NFKBIZ: variants seen among roughly 807,000 people sequenced by gnomAD.
NFKBIZ encodes the protein NFKB inhibitor zeta, also known as NF-kappa-B inhibitor zeta.
NFKBIZ carries 19 observed loss-of-function variants against 76.8 expected under a neutral mutation model. That is an observed-to-expected ratio of 0.25 (90% CI 0.17 to 0.36). NFKBIZ has a LOEUF of 0.36. Among genes scored for constraint, NFKBIZ ranks in the 10% least tolerant of loss-of-function variants. The pLI is 1.00. For missense variants in NFKBIZ, 829 were observed against 910.9 expected (o/e 0.91, Z 1.16); for synonymous variants, 368 against 354.8 (o/e 1.04, Z -0.42).
intron 8 of NFKBIZ, 131 bp downstream of exon 8, chr3:101,855,589 A>T: frequency 8.0e-7 from 1 of 1,244,626 alleles, no homozygotes; most frequent in Non-Finnish European, 1.1e-6. Flanking sequence ...ACCCAAAAAG[A>T]GACAATATTC....
Position 101,853,685 on chromosome 3 carries a change from G to T in NFKBIZ, c.1159G>T (p.Gly387Trp). 1 of 1,614,222 alleles carries T rather than the reference G, an allele frequency of 6.2e-7. No individual in the cohort carries two copies. The highest frequency in any genetic ancestry group is 8.5e-7 in the Non-Finnish European group (1 of 1,180,046). The change falls in exon 5 of 12, where the codon GGG (glycine) becomes TGG (tryptophan). Residue 387 changes from glycine to tryptophan, a missense_variant. Physicochemically the swap from Gly to Trp is radical, Grantham distance 184. Coordinates refer to ENST00000326172, the MANE Select transcript of NFKBIZ (RefSeq NM_031419.4). ...MPSSACEAMV[G>W]HEMASDSSNT... ...CAGCAGCGCCTGTGAGGCCATGGTG[G>T]GGCACGAGATGGCCTCTGACTCTTC...
At position 101,849,578 on chromosome 3, in the gene NFKBIZ, A is replaced by G. The variant is rs1942913722; in HGVS notation, c.-51A>G. On this transcript the variant is annotated 5_prime_UTR_variant, in exon 1 of 12. Transcript: ENST00000326172. ...GCCAGCCCGGGAGGCAGCCGCGCGC[A>G]GCGAGCCGGTGGCGCAGGTGTCGGG... The G allele has an allele frequency of 1.5e-6, 2 of 1,293,952 alleles. No individual in the cohort carries two copies. The highest frequency in any genetic ancestry group is 3.2e-5 in the East Asian group (1 of 31,602). 80.2% of individuals were successfully genotyped at this position (1,293,952 alleles called of 1,614,324 possible).
intron 2 of NFKBIZ, among the ~76,000 whole-genome samples, chr3:101,837,792 G>A (rs1339893622): frequency 6.6e-6 from 1 of 152,096 alleles, no homozygotes; most frequent in African/African-American, 2.4e-5. Context: ...GATGGGAAGA[G>A]GACACTCTGC....
At chr3:101,840,104 CA>C (rs1942769435) in intron 2 of NFKBIZ, among the ~76,000 whole-genome samples, 1 of 152,266 alleles carries the variant, frequency 6.6e-6, no homozygotes, top group East Asian at 1.9e-4. Flanking sequence ...TCCTTTAAAG[CA>C]GGCAAGAGTT....
chr3:101,859,137 G>T (rs1392894344), intron 11 of NFKBIZ, among the ~76,000 whole-genome samples, 181 bp from the exon 12 acceptor site: 1 of 152,146 alleles, frequency 6.6e-6, no homozygotes, highest in Non-Finnish European at 1.5e-5. Flanking sequence ...AGTTTAAAAG[G>T]AGTTTAGTAT....
upstream of NFKBIZ, among the ~76,000 whole-genome samples, chr3:101,846,536 G>C (rs1253264454): frequency 6.6e-6 from 1 of 152,158 alleles, no homozygotes; most frequent in African/African-American, 2.4e-5. Flanking sequence ...TCTTGGTCTA[G>C]ATTAAGTTCT....
chr3:101,845,889 T>C (rs1043450175), upstream of NFKBIZ, among the ~76,000 whole-genome samples: 2 of 152,252 alleles, frequency 1.3e-5, no homozygotes, highest in Admixed American at 1.3e-4. Flanking sequence ...ACAGTACCTC[T>C]GAGCCTGGAG....
In NFKBIZ at chr3:101,853,145, G is replaced by T; in HGVS notation, c.619G>T (p.Glu207Ter). 6.2e-7 allele frequency: 1 copy of T among 1,614,110 alleles called. No individual in the cohort carries two copies. Among genetic ancestry groups the T allele is most frequent in the Non-Finnish European group, 8.5e-7 (1 of 1,180,020 alleles). ...GAGCATGGAAGATGTTCATCTCAAT[G>T]AACCCAAACAGGAGAGCAGTGCTGA... ...GESMEDVHLN[E>*]PKQESSADLL... is the part of the protein sequence containing the mutation. Residue 207 changes from glutamate (E) to a stop codon, truncating the protein, a stop_gained, in exon 5 of 12, where the codon GAA (glutamate) becomes TAA (stop). Coordinates refer to ENST00000326172, the MANE Select transcript of NFKBIZ (RefSeq NM_031419.4). LOFTEE classifies it high-confidence loss of function.
intron 1 of NFKBIZ, among the ~76,000 whole-genome samples, chr3:101,851,790 GAGAT>G (rs539179879): frequency 2.6e-4 from 40 of 152,342 alleles, no homozygotes; most frequent in Admixed American, 9.1e-4. Flanking sequence ...TTAGAGCTGA[GAGAT>G]AGAGAGGCTT....
rs1219628653 is a variant in NFKBIZ at position 101,852,158 on chromosome 3, G to A, written c.363G>A (p.Lys121=). Residue 121 remains lysine, a synonymous_variant, in exon 2 of 12, where the codon AAG becomes AAA. Transcript: ENST00000326172. ...GTGTTCGGGTAAAGAACTCAGTGAA[G>A]GAACTCCTGTTGCACATCCGAAGTC... is the stretch of plus-strand genomic sequence containing the variant. ...FQGVRVKNSV[K]ELLLHIRSHK... 1.2e-6 allele frequency: 2 copies of A among 1,614,242 alleles called. No individual in the cohort carries two copies. Among genetic ancestry groups the A allele is most frequent in the Non-Finnish European group, 1.7e-6 (2 of 1,180,046 alleles).
At position 101,832,953 on chromosome 3, in the gene NFKBIZ, C is replaced by T. The variant is rs772992947; in HGVS notation, c.-12+3265C>T. On this transcript the variant is annotated intron_variant, in intron 2 of 12. Coordinates refer to the NFKBIZ transcript ENST00000394054. ...TTTGGCACAGTGCAGTGAATAAGTG[C>T]GTACACCATGAATATGTGATAGAAA... 6.6e-5 allele frequency among the ~76,000 whole-genome samples: 10 copies of T among 152,150 alleles called. No individual in the cohort carries two copies. In the South Asian group the frequency reaches 1.0e-3, roughly 16 times the overall value.
upstream of NFKBIZ, chr3:101,849,391 T>G (rs1197259642): frequency 2.8e-6 from 1 of 354,830 alleles, no homozygotes; most frequent in Non-Finnish European, 5.0e-6. Flanking sequence ...TTACTGGAAA[T>G]CGGACGCATC....
intron 1 of NFKBIZ, among the ~76,000 whole-genome samples, chr3:101,851,036 A>G (rs1390913952): frequency 6.6e-6 from 1 of 152,232 alleles, no homozygotes; most frequent in Non-Finnish European, 1.5e-5. Flanking sequence ...GATTCTGGCA[A>G]TTCTGGTATC....
At chr3:101,859,241 G>C in intron 11 of NFKBIZ, 77 bp from the exon 12 acceptor site, 1 of 1,104,580 alleles carries the variant, frequency 9.1e-7, no homozygotes, top group Non-Finnish European at 1.4e-6. Flanking sequence ...TATAAGAAAG[G>C]AATGAAACTC....
At position 101,849,764 on chromosome 3, in the gene NFKBIZ, G is replaced by T; in HGVS notation, c.136G>T (p.Gly46Cys). The change falls in exon 1 of 12, where the codon GGC becomes TGC. Residue 46 changes from glycine to cysteine, a missense_variant. Physicochemically the swap from Gly to Cys is radical, Grantham distance 159 (BLOSUM62 -3). Transcript: ENST00000326172. ...CGCGTCGCCGCCCGCCGCCGCCCCGGGCGCCTGCGACGCCAGCTGCTCGGT... is the reference window on the plus strand; with the variant it reads ...CGCGTCGCCGCCCGCCGCCGCCCCGTGCGCCTGCGACGCCAGCTGCTCGGT... ...YGASPPAAAPGACDASCSVLG... is the reference protein window; with the variant it reads ...YGASPPAAAPCACDASCSVLG... The T allele has an allele frequency of 6.9e-7, 1 of 1,453,950 alleles. No homozygotes were observed. The highest frequency in any genetic ancestry group is 9.0e-7 in the Non-Finnish European group (1 of 1,108,558). The allele number at this position is 1,453,950 out of a possible 1,614,324, so 90.1% of individuals were successfully genotyped here. A position where few individuals can be genotyped will look rare whatever the true frequency, so the allele number is the denominator to read the frequency against.
intron 1 of NFKBIZ, 103 bp downstream of exon 1, chr3:101,850,020 G>C: frequency 8.8e-7 from 1 of 1,136,220 alleles, no homozygotes; most frequent in Non-Finnish European, 1.1e-6. Flanking sequence ...CCTCCTTAGA[G>C]CTAGGACGTA....
intron 11 of NFKBIZ, 176 bp downstream of exon 11, chr3:101,857,635 C>T (rs1407532263): frequency 1.0e-6 from 1 of 985,278 alleles, no homozygotes; most frequent in East Asian, 1.1e-4. Context: ...TTGGAAACAG[C>T]AATTAAGAAA....
intron 1 of NFKBIZ, 111 bp from the exon 2 acceptor site, chr3:101,851,974 G>A (rs1290218590): frequency 3.0e-6 from 4 of 1,314,454 alleles, no homozygotes; most frequent in East Asian, 2.3e-5. Flanking sequence ...GTTTTGCAAT[G>A]TGCTGCTTGG....
At chr3:101,834,924 T>C (rs1169683123) in intron 2 of NFKBIZ, among the ~76,000 whole-genome samples, 1 of 152,178 alleles carries the variant, frequency 6.6e-6, no homozygotes, top group Admixed American at 6.5e-5. Context: ...CCCTGAAGGG[T>C]TCCAGACTTG....
Sources: gnomAD v4.1 joint callset for allele counts (sites outside exome capture counted in the v4.1 genomes callset) on GRCh38, gnomAD v4.1.1 for gene constraint, MANE v1.5 for transcripts, NCBI Gene and HGNC (gene_info 2026-07-23, HGNC 2026-07-21) for gene names.